Variants in OSBPL5 observed in about 807,000 individuals in gnomAD.
The protein encoded by OSBPL5 is oxysterol binding protein like 5.
A neutral mutation model predicts 111.2 loss-of-function variants in OSBPL5; 71 were observed. The observed-to-expected ratio is 0.64, with a 90% CI of 0.53 to 0.78. The LOEUF is 0.78. Ranked by LOEUF, OSBPL5 falls within the 30% of genes least tolerant of loss-of-function variation. OSBPL5 has a pLI of 0.00. For synonymous variants in OSBPL5, 549 were observed against 513.9 expected (o/e 1.07, Z -0.93); for missense variants, 1,210 against 1,189.3 (o/e 1.02, Z -0.26).
At chr11:3,131,034 C>T (rs545003868) in intron 1 of OSBPL5, among the ~76,000 whole-genome samples, 21 of 152,110 alleles carry the variant, frequency 1.4e-4, no homozygotes, top group African/African-American at 3.9e-4. Flanking sequence ...GTGGTGACAG[C>T]GATTCCCAGG....
rs115492535 is a variant in OSBPL5 at position 3,101,594 on chromosome 11, C to T, written c.1522+9G>A. On this transcript the variant is annotated intron_variant, in intron 13 of 21. Coordinates refer to ENST00000263650, the MANE Select transcript of OSBPL5 (RefSeq NM_020896.4). ...AGGCCCCAGGGAGCGCCCAGGGTGA[C>T]CCCCTCACCATAAAACCTGGACTTG... The T allele has an allele frequency of 3.9e-3, 6,304 of 1,610,810 alleles. 210 individuals are homozygous for T. The African/African-American group carries it at 0.073, about 19-fold the overall frequency.
Position 3,154,422 on chromosome 11 carries a change from C to T in OSBPL5, c.-22+10794G>A, listed in dbSNP as rs538678116. ...GGGTGAGCCCGGAAGGGTGAGCATG[C>T]GCCTGCTGACGCTTCGTTCACCAAG... On this transcript the variant is annotated intron_variant, in intron 1 of 21. Coordinates refer to ENST00000263650, the MANE Select transcript of OSBPL5 (RefSeq NM_020896.4). The surrounding 1 kb of genome is among the most constrained non-coding windows in gnomAD (Gnocchi z 4.9). 1.1e-4 allele frequency among the ~76,000 whole-genome samples: 17 copies of T among 152,344 alleles called. No homozygotes were observed. In the South Asian group the frequency reaches 1.9e-3, roughly 17 times the overall value.
chr11:3,140,100 C>A lies in OSBPL5; in HGVS notation c.-21-10931G>T, dbSNP rs1846060338. 6.6e-6 allele frequency among the ~76,000 whole-genome samples: 1 copy of A among 152,214 alleles called. No individual in the cohort carries two copies. The highest frequency in any genetic ancestry group is 1.5e-5 in the Non-Finnish European group (1 of 68,028). On this transcript the variant is annotated intron_variant, in intron 1 of 21. Transcript: ENST00000263650. The surrounding 1 kb of genome is among the most constrained non-coding windows in gnomAD (Gnocchi z 4.5). ...GTGGTCCGCCAAGCAGCACCTCTGC[C>A]AAGGAGCTCCCTCTGCAGAGGAGAA...
At position 3,120,426 on chromosome 11, in the gene OSBPL5, C is replaced by T. The variant is rs751836335; in HGVS notation, c.601G>A (p.Val201Met). The T allele has an allele frequency of 3.8e-5, 62 of 1,612,448 alleles. No individual in the cohort carries two copies. The highest frequency in any genetic ancestry group is 1.5e-4 in the Admixed American group (9 of 59,912). ...FHPLDQSVWA[V>M]KGPKGESVGS... ...ACCCCACCCCTCCGCAGCACCTTCACGGCCCAGACGGACTGATCCAGCGGG... is the reference window on the plus strand; with the variant it reads ...ACCCCACCCCTCCGCAGCACCTTCATGGCCCAGACGGACTGATCCAGCGGG... The change falls in exon 6 of 22, where the codon GTG (valine) becomes ATG (methionine). Residue 201 changes from valine to methionine, a missense_variant. Coordinates refer to ENST00000263650, the MANE Select transcript of OSBPL5 (RefSeq NM_020896.4).
chr11:3,094,322 C>A lies in OSBPL5; in HGVS notation c.1634G>T (p.Gly545Val). The A allele has an allele frequency of 6.2e-7, 1 of 1,613,420 alleles. No homozygotes were observed. Among genetic ancestry groups the A allele is most frequent in the Non-Finnish European group, 8.5e-7 (1 of 1,179,914 alleles). Residue 545 changes from glycine to valine, a missense_variant, in exon 15 of 22, where the codon GGC (glycine) becomes GTC (valine). By Grantham distance (109) the Gly-to-Val change is moderately radical. Transcript: ENST00000263650. The stretch of plus-strand genomic sequence containing the variant: ...CCCACCCAGCTCCAGGGTCATCGTG[C>A]CATACAGGATTCCTGAAATGCAGCC... ...PYAHCKGILY[G>V]TMTLELGGKV...
chr11:3,095,520 G>A (rs1227422954), intron 14 of OSBPL5, among the ~76,000 whole-genome samples: 1 of 152,062 alleles, frequency 6.6e-6, no homozygotes, highest in Non-Finnish European at 1.5e-5. Context: ...GGGTGTGCAG[G>A]GGGCCCCTGA....
rs1846076434 is a variant in OSBPL5, at chr11:3,140,521, C to G, written c.-21-11352G>C. ...GACCTGGTAGCCCACTTTCAACACT[C>G]CGTGAGCACGCAGGGCCTCCCCCAG... On this transcript the variant is annotated intron_variant, in intron 1 of 21. Transcript: ENST00000263650. This position sits in a 1 kb window ranked among gnomAD's most constrained non-coding sequence, Gnocchi z 4.5. 6.6e-6 allele frequency among the ~76,000 whole-genome samples: 1 copy of G among 152,152 alleles called. No individual in the cohort carries two copies. Among genetic ancestry groups the G allele is most frequent in the African/African-American group, 2.4e-5 (1 of 41,432 alleles).
intron 14 of OSBPL5, among the ~76,000 whole-genome samples, chr11:3,096,275 G>A (rs375911571): frequency 4.7e-4 from 71 of 152,080 alleles, no homozygotes; most frequent in African/African-American, 1.7e-3. Flanking sequence ...ACAACTAAGA[G>A]TTTGTTTGTT....
intron 1 of OSBPL5, among the ~76,000 whole-genome samples, chr11:3,148,559 A>C (rs1380259848): frequency 6.6e-6 from 1 of 152,216 alleles, no homozygotes; most frequent in African/African-American, 2.4e-5. Context: ...CGCTGTCTGG[A>C]ACCGGCTTCC....
At position 3,113,895 on chromosome 11, in the gene OSBPL5, G is replaced by A. The variant is rs1295462892; in HGVS notation, c.691+5652C>T. Among the ~76,000 whole-genome samples, 4 of 152,160 alleles carry A rather than the reference G, an allele frequency of 2.6e-5. No individual in the cohort carries two copies. The highest frequency in any genetic ancestry group is 5.9e-5 in the Non-Finnish European group (4 of 68,018). On this transcript the variant is annotated intron_variant, in intron 7 of 21. Transcript: ENST00000263650. The surrounding 1 kb of genome is among the most constrained non-coding windows in gnomAD (Gnocchi z 4.8). ...GCTTGAAGGTTAGAAACAAGATGGA[G>A]TCAGTTAGGTCAAATCTCTTTCACT...
chr11:3,097,054 G>GGGGAAGATGGGAGGAGA (rs1564824716), intron 14 of OSBPL5, among the ~76,000 whole-genome samples: 1 of 6,100 alleles, frequency 1.6e-4, no homozygotes, highest in East Asian at 5.7e-3. Flanking sequence ...ACAGGAGAAG[G>GGGGAAGATGGGAGGAGA]AGAGGAAAGG....
chr11:3,135,995 GAA>G (rs1478138564), intron 1 of OSBPL5, among the ~76,000 whole-genome samples: 1 of 152,214 alleles, frequency 6.6e-6, no homozygotes, highest in Non-Finnish European at 1.5e-5. Flanking sequence ...TGTGGGGCAT[GAA>G]AGACCCCTTC....
At position 3,105,923 on chromosome 11, in the gene OSBPL5, A is replaced by G. The variant is rs924616185; in HGVS notation, c.1059+1340T>C. On this transcript the variant is annotated intron_variant, in intron 9 of 21. Transcript: ENST00000263650. This position sits in a 1 kb window ranked among gnomAD's most constrained non-coding sequence, Gnocchi z 5.2. ...TGCCCACTTCTCCCTTCTCCATCAC[A>G]GCTGGGTCCAGGGTGTCCTCAGCTT... is the stretch of plus-strand genomic sequence containing the variant. 3.9e-5 allele frequency among the ~76,000 whole-genome samples: 6 copies of G among 152,102 alleles called. No individual in the cohort carries two copies. Among genetic ancestry groups the G allele is most frequent in the Non-Finnish European group, 7.4e-5 (5 of 68,012 alleles).
chr11:3,143,770 C>T (rs1270706635), intron 1 of OSBPL5, among the ~76,000 whole-genome samples: 1 of 152,194 alleles, frequency 6.6e-6, no homozygotes, highest in East Asian at 1.9e-4. Context: ...TGACTGGAGG[C>T]TGACCAGATG....
At chr11:3,093,162 G>A (rs1245479305) in intron 17 of OSBPL5, 110 bp from the exon 18 acceptor site, 28 of 1,140,620 alleles carry the variant, frequency 2.5e-5, no homozygotes, top group African/African-American at 3.1e-5. Flanking sequence ...CAACCTCTGC[G>A]TGATTGCCTA....
Position 3,101,579 on chromosome 11 carries a change from G to C in OSBPL5, c.1522+24C>G, listed in dbSNP as rs765777488. On this transcript the variant is annotated intron_variant, in intron 13 of 21. Transcript: ENST00000263650. ...CATCGCATTTCCCTGAGGCCCCAGG[G>C]AGCGCCCAGGGTGACCCCCTCACCA... 3.1e-6 allele frequency: 5 copies of C among 1,597,806 alleles called. No homozygotes were observed. In the Admixed American group the frequency reaches 8.4e-5, roughly 27 times the overall value.
In OSBPL5 at chr11:3,107,496, A is replaced by G; in HGVS notation, c.867-41T>C. Reference sequence around the variant, plus strand: ...TGCCAGTGGGTCCCTGTCACAGGTGAGAGCCCAGCACAGCCCTCTGGGCTG... The same window carrying G: ...TGCCAGTGGGTCCCTGTCACAGGTGGGAGCCCAGCACAGCCCTCTGGGCTG... On this transcript the variant is annotated intron_variant, in intron 8 of 21. Transcript: ENST00000263650. This position sits in a 1 kb window ranked among gnomAD's most constrained non-coding sequence, Gnocchi z 6.1. The G allele has an allele frequency of 2.5e-6, 4 of 1,606,832 alleles. No individual in the cohort carries two copies. The highest frequency in any genetic ancestry group is 3.4e-6 in the Non-Finnish European group (4 of 1,174,652).
chr11:3,111,984 CAT>C (rs1162889301), intron 7 of OSBPL5, among the ~76,000 whole-genome samples: 1 of 128,366 alleles, frequency 7.8e-6, no homozygotes, highest in African/African-American at 2.8e-5. Flanking sequence ...TGTGTGCGCG[CAT>C]GTGTGTGCAT....
intron 14 of OSBPL5, among the ~76,000 whole-genome samples, chr11:3,098,646 C>T (rs1857358932): frequency 6.6e-6 from 1 of 151,716 alleles, no homozygotes; most frequent in African/African-American, 2.4e-5. Context: ...GCTGGGATTA[C>T]AGGCATGCAT....
Sources: allele counts gnomAD v4.1 joint callset (sites outside exome capture counted in the v4.1 genomes callset), GRCh38; gene constraint gnomAD v4.1.1; non-coding constraint Gnocchi (gnomAD v3.1); transcripts MANE v1.5; gene names NCBI Gene and HGNC (gene_info 2026-07-23, HGNC 2026-07-21).